Variants in COL20A1 observed in about 807,000 individuals in gnomAD.
The protein encoded by COL20A1 is collagen type XX alpha 1 chain.
In COL20A1, 164 loss-of-function variants were observed where a neutral mutation model predicts 152.9. That is an observed-to-expected ratio of 1.07 (90% confidence interval 0.94 to 1.22). The LOEUF is 1.22. COL20A1 is among the 50% of genes most tolerant of loss of function. The probability of loss-of-function intolerance (pLI) is 0.00; values close to 1 mark genes in which losing one functional copy is unlikely to be tolerated. For missense variants in COL20A1, 1,873 were observed against 1,744.8 expected, an observed-to-expected ratio of 1.07 and a Z score of -1.31; for synonymous variants, 864 against 756.0, an observed-to-expected ratio of 1.14 and a Z score of -2.34.
chr20:63,306,180 G>A lies in COL20A1; in HGVS notation c.496+141G>A, dbSNP rs1228442797. On this transcript the variant is annotated intron_variant, in intron 5 of 35. Coordinates refer to ENST00000358894, the MANE Select transcript of COL20A1 (RefSeq NM_020882.4). The surrounding 1 kb of genome is among the most constrained non-coding windows in gnomAD (Gnocchi z 6.9). ...CCACGAGGCCAGGAAGTTCTTCCTC[G>A]TGTCTGACCACACGGTCTCTGACCA... The A allele has an allele frequency of 1.8e-5, 12 of 656,922 alleles. No homozygotes were observed. The highest frequency in any genetic ancestry group is 3.2e-5 in the Admixed American group (1 of 31,702). The allele number at this position is 656,922 out of a possible 1,614,324, so 40.7% of individuals were successfully genotyped here.
At chr20:63,295,761 G>A (rs1252615467) in intron 2 of COL20A1, among the ~76,000 whole-genome samples, 1 of 152,254 alleles carries the variant, frequency 6.6e-6, no homozygotes, top group East Asian at 1.9e-4. Context: ...TCACCTGTCT[G>A]AGCAGCTTCT....
At chr20:63,294,319 C>T (rs1568759112) in intron 1 of COL20A1, among the ~76,000 whole-genome samples, 1 of 151,474 alleles carries the variant, frequency 6.6e-6, no homozygotes, top group Non-Finnish European at 1.5e-5. Flanking sequence ...ATGCTCCCCA[C>T]CTCTCCGAGT....
chr20:63,313,059 C>G lies in COL20A1; in HGVS notation c.2077-58C>G. On this transcript the variant is annotated intron_variant, in intron 16 of 35. Transcript: ENST00000358894. The surrounding 1 kb of genome is among the most constrained non-coding windows in gnomAD (Gnocchi z 5.9). Reference sequence around the variant, plus strand: ...CTCCCAGGGATGCCTCACTGCCCGGCCCCCCAACCTGAGGACCCCACTGCA... The same window carrying G: ...CTCCCAGGGATGCCTCACTGCCCGGGCCCCCAACCTGAGGACCCCACTGCA... 1 of 1,565,090 alleles carries G rather than the reference C, an allele frequency of 6.4e-7. No individual in the cohort carries two copies. The highest frequency in any genetic ancestry group is 8.7e-7 in the Non-Finnish European group (1 of 1,153,996).
At chr20:63,327,833 A>T in intron 31 of COL20A1, 119 bp from the exon 32 acceptor site, 1 of 1,037,056 alleles carries the variant, frequency 9.6e-7, no homozygotes, top group Non-Finnish European at 1.4e-6. Flanking sequence ...GGGCTTTCAC[A>T]CCGCCACTGT....
intron 2 of COL20A1, among the ~76,000 whole-genome samples, chr20:63,295,547 G>T (rs545362090): frequency 5.9e-5 from 9 of 152,052 alleles, no homozygotes; most frequent in African/African-American, 2.2e-4. Context: ...CCTCCCACTG[G>T]TGTTTTGGGC....
At position 63,319,347 on chromosome 20, in the gene COL20A1, G is replaced by A; in HGVS notation, c.2807-140G>A. ...TGGGAGGCAGGTGTCCCGGGCAGGG[G>A]GCTGTGGGCCACATTGAGGGTCACC... On this transcript the variant is annotated intron_variant, in intron 22 of 35. Transcript: ENST00000358894. This position sits in a 1 kb window ranked among gnomAD's most constrained non-coding sequence, Gnocchi z 4.4. 9.1e-7 allele frequency: 1 copy of A among 1,104,946 alleles called. No individual in the cohort carries two copies. Among genetic ancestry groups the A allele is most frequent in the Non-Finnish European group, 1.3e-6 (1 of 777,484 alleles). The allele number at this position is 1,104,946 out of a possible 1,614,324, so 68.4% of individuals were successfully genotyped here. A position where few individuals can be genotyped will look rare whatever the true frequency, so the allele number is the denominator to read the frequency against.
chr20:63,331,849 C>T lies in COL20A1; in HGVS notation c.*1133C>T, dbSNP rs1045789971. The T allele has an allele frequency of 6.6e-6, 1 of 152,248 alleles. No homozygotes were observed. The highest frequency in any genetic ancestry group is 1.5e-5 in the Non-Finnish European group (1 of 68,078). 9.4% of individuals were successfully genotyped at this position (152,248 alleles called of 1,614,324 possible). A position where few individuals can be genotyped will look rare whatever the true frequency, so the allele number is the denominator to read the frequency against. On this transcript the variant is annotated 3_prime_UTR_variant, in exon 36 of 36. Coordinates refer to ENST00000358894, the MANE Select transcript of COL20A1 (RefSeq NM_020882.4). Reference sequence around the variant, plus strand: ...ACAGAAGGAAAACCCACCAAGATCACCAGTGCAGCATTGCGTGCACCAAAG... The same window carrying T: ...ACAGAAGGAAAACCCACCAAGATCATCAGTGCAGCATTGCGTGCACCAAAG...
chr20:63,314,323 C>T (rs898959458), intron 19 of COL20A1, 122 bp downstream of exon 19: 2 of 831,104 alleles, frequency 2.4e-6, no homozygotes, highest in Non-Finnish European at 1.9e-6. Context: ...ACCTAGTTGA[C>T]CCCAGGGGTC....
chr20:63,322,142 G>A (rs1568786011), intron 27 of COL20A1, 31 bp downstream of exon 27: 1 of 1,476,154 alleles, frequency 6.8e-7, no homozygotes, highest in Non-Finnish European at 9.0e-7. Context: ...GGAGGTGAGG[G>A]GCCTGGATCG....
chr20:63,325,772 G>T, intron 29 of COL20A1, 51 bp downstream of exon 29: 1 of 1,526,524 alleles, frequency 6.6e-7, no homozygotes, highest in East Asian at 2.3e-5. Flanking sequence ...AGACTGGCCT[G>T]GGGACGGGGG....
At chr20:63,318,016 C>G (rs1292547104) in intron 21 of COL20A1, among the ~76,000 whole-genome samples, 1 of 152,288 alleles carries the variant, frequency 6.6e-6, no homozygotes, top group East Asian at 1.9e-4. Context: ...TGCTCTCAAG[C>G]AAACCCTCCT....
At chr20:63,317,484 A>G (rs924598513) in intron 21 of COL20A1, among the ~76,000 whole-genome samples, 19 of 150,860 alleles carry the variant, frequency 1.3e-4, no homozygotes, top group South Asian at 1.1e-3. Flanking sequence ...AAAAAAAAAA[A>G]AAGAAGTTAC....
Position 63,326,869 on chromosome 20 carries a change from C to T in COL20A1, c.3528+46C>T, listed in dbSNP as rs773111719. The T allele has an allele frequency of 3.3e-5, 45 of 1,365,940 alleles. 1 individual carries two copies. Among genetic ancestry groups the T allele is most frequent in the South Asian group, 1.3e-4 (9 of 66,696 alleles). The allele number at this position is 1,365,940 out of a possible 1,614,324, so 84.6% of individuals were successfully genotyped here. On this transcript the variant is annotated intron_variant, in intron 31 of 35. Transcript: ENST00000358894. ...CACCAGCCAACCAAAGGTGGGGGAG[C>T]GAAGGGTGCAAGCCCCACATGCAAC...
chr20:63,316,133 G>A (rs1177608037), intron 20 of COL20A1, among the ~76,000 whole-genome samples: 1 of 152,108 alleles, frequency 6.6e-6, no homozygotes, highest in African/African-American at 2.4e-5. Flanking sequence ...TTCCTCAGAG[G>A]GAAAACGACC....
chr20:63,297,838 C>G, intron 2 of COL20A1, 72 bp from the exon 3 acceptor site: 1 of 1,204,342 alleles, frequency 8.3e-7, no homozygotes, highest in Admixed American at 1.8e-5. Flanking sequence ...GGCAGGATGC[C>G]TGTACCCCCA....
intron 21 of COL20A1, 89 bp downstream of exon 21, chr20:63,316,780 C>T (rs1186082368): frequency 1.2e-5 from 16 of 1,297,068 alleles, no homozygotes; most frequent in African/African-American, 6.0e-5. Flanking sequence ...GGGCATGGGC[C>T]GGAGACCTCC....
chr20:63,308,335 TG>T (rs1164879570), intron 7 of COL20A1, among the ~76,000 whole-genome samples: 1 of 152,246 alleles, frequency 6.6e-6, no homozygotes, highest in Non-Finnish European at 1.5e-5. Context: ...CGGCCCAGTC[TG>T]GGTGCTCACC....
chr20:63,310,660 A>C (rs2067993068), intron 11 of COL20A1, 150 bp downstream of exon 11: 1 of 879,646 alleles, frequency 1.1e-6, no homozygotes, highest in Middle Eastern at 3.5e-4. Context: ...CTGTGTGACC[A>C]AGGCCGAGTC....
rs549076057 is a variant in COL20A1 at position 63,329,533 on chromosome 20, G to A, written c.3782-52G>A. The A allele has an allele frequency of 3.2e-5, 46 of 1,441,462 alleles. No homozygotes were observed. In the East Asian group the frequency reaches 1.0e-3, roughly 33 times the overall value. The allele number at this position is 1,441,462 out of a possible 1,614,324, so 89.3% of individuals were successfully genotyped here. A position where few individuals can be genotyped will look rare whatever the true frequency, so the allele number is the denominator to read the frequency against. On this transcript the variant is annotated intron_variant, in intron 34 of 35. Coordinates refer to ENST00000358894, the MANE Select transcript of COL20A1 (RefSeq NM_020882.4). ...CACCCTCTGTCCCCGTCAGAACAGG[G>A]CCCCAAGCCACTGCATTGCTCCGTC...
Sources: gnomAD v4.1 joint callset for allele counts (sites outside exome capture counted in the v4.1 genomes callset) on GRCh38, gnomAD v4.1.1 for gene constraint, Gnocchi (gnomAD v3.1) non-coding constraint, MANE v1.5 for transcripts, NCBI Gene and HGNC (gene_info 2026-07-23, HGNC 2026-07-21) for gene names.